The following LRRK1 variants were observed in gnomAD, a reference collection of about 807,000 sequenced individuals.
The protein encoded by LRRK1 is leucine-rich repeat serine/threonine-protein kinase 1.
Under a neutral mutation model 209.1 loss-of-function variants are expected in LRRK1, and 113 were observed. The ratio of observed to expected loss-of-function variants is 0.54; its 90% confidence interval spans 0.46 to 0.63. The LOEUF is 0.63. LRRK1 is among the 30% of genes least tolerant of loss of function. The pLI, the probability that LRRK1 is intolerant of heterozygous loss-of-function variation, is 0.00. For missense variants in LRRK1, 2,284 were observed against 2,632.2 expected (o/e 0.87, Z 2.89); for synonymous variants, 1,144 against 1,099.7 (o/e 1.04, Z -0.80).
chr15:100,973,432 C>T (rs568627281), intron 2 of LRRK1, among the ~76,000 whole-genome samples: 8 of 152,304 alleles, frequency 5.3e-5, no homozygotes, highest in Admixed American at 2.6e-4. Flanking sequence ...GGCACCGCAG[C>T]GGGACAGCGT....
intron 2 of LRRK1, among the ~76,000 whole-genome samples, chr15:100,964,437 A>C (rs2030318318): frequency 6.6e-6 from 1 of 152,206 alleles, no homozygotes; most frequent in South Asian, 2.1e-4. Context: ...GAGCCCCCAA[A>C]GTGCCAGGAG....
At chr15:100,950,230 A>G (rs1344266096) in intron 2 of LRRK1, among the ~76,000 whole-genome samples, 1 of 105,302 alleles carries the variant, frequency 9.5e-6, no homozygotes, top group Non-Finnish European at 2.0e-5. Flanking sequence ...TTAATTAAGA[A>G]AACACATTTA....
At chr15:101,008,703 T>G in intron 6 of LRRK1, 134 bp from the exon 7 acceptor site, 1 of 682,972 alleles carries the variant, frequency 1.5e-6, no homozygotes, top group Non-Finnish European at 2.5e-6. Context: ...GAGAAGGACA[T>G]GTGCAGGCCT....
At chr15:100,964,334 A>C (rs2030310146) in intron 2 of LRRK1, among the ~76,000 whole-genome samples, 3 of 152,198 alleles carry the variant, frequency 2.0e-5, no homozygotes, top group Admixed American at 2.0e-4. Context: ...AGAGATGTAA[A>C]CGGCTGCTGA....
intron 2 of LRRK1, among the ~76,000 whole-genome samples, chr15:100,972,618 A>G (rs1218872215): frequency 6.6e-6 from 1 of 152,126 alleles, no homozygotes; most frequent in African/African-American, 2.4e-5. Context: ...AGGCATTTTT[A>G]GTAGTCGGAC....
intron 2 of LRRK1, among the ~76,000 whole-genome samples, chr15:100,963,646 T>C (rs562039651): frequency 6.6e-6 from 1 of 152,346 alleles, no homozygotes; most frequent in African/African-American, 2.4e-5. Flanking sequence ...GAGTAGTCTT[T>C]TAGTGTGCAC....
At chr15:100,921,790 C>A (rs2042026751) in intron 1 of LRRK1, among the ~76,000 whole-genome samples, 2 of 152,198 alleles carry the variant, frequency 1.3e-5, no homozygotes, top group South Asian at 4.1e-4. Context: ...AATCTTGGCT[C>A]ACTGCAACCT....
rs2036889407 is a variant in LRRK1, at chr15:101,073,891, A to T, written c.*5043A>T. On this transcript the variant is annotated 3_prime_UTR_variant, in exon 34 of 34. Coordinates refer to ENST00000388948, the MANE Select transcript of LRRK1 (RefSeq NM_024652.6). The stretch of plus-strand genomic sequence containing the variant: ...CAACTCACACCTGACCTAAAACCTA[A>T]ATGCCTTATTTTCTTCTGCAATGCC... 1 of 151,980 alleles carries T rather than the reference A, an allele frequency of 6.6e-6. No individual in the cohort carries two copies. The highest frequency in any genetic ancestry group is 2.4e-5 in the African/African-American group (1 of 41,366). 9.4% of individuals were successfully genotyped at this position (151,980 alleles called of 1,614,324 possible).
chr15:100,996,919 G>C (rs1184214970), intron 6 of LRRK1, among the ~76,000 whole-genome samples: 1 of 152,166 alleles, frequency 6.6e-6, no homozygotes, highest in Non-Finnish European at 1.5e-5. Context: ...GAATAAGAAA[G>C]AGAATAAGAG....
chr15:101,063,872 C>T (rs191494509), intron 31 of LRRK1, among the ~76,000 whole-genome samples: 57 of 152,008 alleles, frequency 3.7e-4, no homozygotes, highest in African/African-American at 1.2e-3. Context: ...GGCCCCACAG[C>T]GAGGCTACGC....
chr15:101,067,219 T>C (rs546727222), intron 33 of LRRK1: 35 of 456,128 alleles, frequency 7.7e-5, no homozygotes, highest in African/African-American at 5.2e-4. Context: ...TCAGTACCTG[T>C]CTGTGGGTGG....
chr15:100,984,952 G>T (rs2031791153), intron 4 of LRRK1, among the ~76,000 whole-genome samples: 1 of 152,054 alleles, frequency 6.6e-6, no homozygotes, highest in Non-Finnish European at 1.5e-5. Flanking sequence ...CACCTAGAAG[G>T]GCCCACGTTA....
chr15:100,935,048 C>T (rs534287253), intron 2 of LRRK1, among the ~76,000 whole-genome samples: 140 of 152,286 alleles, frequency 9.2e-4, no homozygotes, highest in South Asian at 3.5e-3. Flanking sequence ...TCAGCCCTCC[C>T]TCTTGTGCCT....
At chr15:100,922,849 G>A (rs2042044171) in intron 1 of LRRK1, among the ~76,000 whole-genome samples, 1 of 152,180 alleles carries the variant, frequency 6.6e-6, no homozygotes, top group East Asian at 1.9e-4. Flanking sequence ...TGAAACATGT[G>A]CAGCTTGCAC....
Position 101,073,985 on chromosome 15 carries a change from C to T in LRRK1, c.*5137C>T, listed in dbSNP as rs1232053900. On this transcript the variant is annotated 3_prime_UTR_variant, in exon 34 of 34. Coordinates refer to ENST00000388948, the MANE Select transcript of LRRK1 (RefSeq NM_024652.6). Reference sequence around the variant, plus strand: ...AAAACAGCACTTTCAATTTTTCCATCCTGCAAGATCTAAATAATTCTTGTC... The same window carrying T: ...AAAACAGCACTTTCAATTTTTCCATTCTGCAAGATCTAAATAATTCTTGTC... 2 of 152,118 alleles carry T rather than the reference C, an allele frequency of 1.3e-5. No individual in the cohort carries two copies. Among genetic ancestry groups the T allele is most frequent in the East Asian group, 3.8e-4 (2 of 5,196 alleles). 9.4% of individuals were successfully genotyped at this position (152,118 alleles called of 1,614,324 possible).
chr15:100,950,153 A>C (rs1235223948), intron 2 of LRRK1, among the ~76,000 whole-genome samples: 1 of 152,276 alleles, frequency 6.6e-6, no homozygotes. Flanking sequence ...GCAAATTTGC[A>C]GGATGCAAGA....
intron 2 of LRRK1, among the ~76,000 whole-genome samples, chr15:100,972,363 A>AGAGTGTGTGTGTGT (rs1176201849): frequency 4.8e-4 from 47 of 98,490 alleles, no homozygotes; most frequent in African/African-American, 2.2e-3. Context: ...AGAGAGAGAG[A>AGAGTGTGTGTGTGT]GTGTGTGTGT....
rs115533924 is a variant in LRRK1, at chr15:101,046,914, T to C, written c.3135+762T>C. Among the ~76,000 whole-genome samples the C allele has an allele frequency of 3.0e-3, 459 of 152,298 alleles. 3 individuals are homozygous for C. The highest frequency in any genetic ancestry group is 0.01 in the African/African-American group (430 of 41,570). On this transcript the variant is annotated intron_variant, in intron 21 of 33. Transcript: ENST00000388948. ...AACATGGAAGCAACATTTGCTACAG[T>C]GGTGTTTTTCAAAGTGGGGTTCCTA...
Position 101,022,628 on chromosome 15 carries a change from T to A in LRRK1, c.2067+31T>A. 1 of 1,476,452 alleles carries A rather than the reference T, an allele frequency of 6.8e-7. No homozygotes were observed. The highest frequency in any genetic ancestry group is 9.3e-7 in the Non-Finnish European group (1 of 1,077,722). 91.5% of individuals were successfully genotyped at this position (1,476,452 alleles called of 1,614,324 possible). ...GGATGGTCTGCGTGCAGAGTCCCTG[T>A]GGGTGGGAGGAACATCCCTTGGACT... On this transcript the variant is annotated intron_variant, in intron 15 of 33. Transcript: ENST00000388948. This position sits in a 1 kb window ranked among gnomAD's most constrained non-coding sequence, Gnocchi z 4.0.
Sources: gnomAD v4.1 joint callset for allele counts (sites outside exome capture counted in the v4.1 genomes callset) on GRCh38, gnomAD v4.1.1 for gene constraint, Gnocchi (gnomAD v3.1) non-coding constraint, MANE v1.5 for transcripts, NCBI Gene and HGNC (gene_info 2026-07-23, HGNC 2026-07-21) for gene names.